The following ATP6V1G3 variants were observed in gnomAD, a reference collection of about 807,000 sequenced individuals.
ATP6V1G3 encodes the protein V-type proton ATPase subunit G 3.
A neutral mutation model predicts 9.3 loss-of-function variants in ATP6V1G3; 9 were observed. The ratio of observed to expected loss-of-function variants is 0.97; its 90% CI spans 0.59 to 1.69. The LOEUF is 1.69. Ranked by LOEUF, ATP6V1G3 falls within the 40% of genes most tolerant of loss-of-function variation. The pLI is 0.00. For missense variants in ATP6V1G3, 133 were observed against 139.0 expected (o/e 0.96, Z 0.22); for synonymous variants, 43 against 43.8 (o/e 0.98, Z 0.07).
chr1:198,523,619 A>G lies in ATP6V1G3; in HGVS notation c.184-55T>C, dbSNP rs955932287. ...TCATAATACAATTGTTTTACAAGTTAAATTTGTCCTAGCCTGTTTACTGAT... is the reference window on the plus strand; with the variant it reads ...TCATAATACAATTGTTTTACAAGTTGAATTTGTCCTAGCCTGTTTACTGAT... On this transcript the variant is annotated intron_variant, in intron 2 of 2. Transcript: ENST00000367382. 8.5e-6 allele frequency: 13 copies of G among 1,535,490 alleles called. 1 individual carries two copies. The highest frequency in any genetic ancestry group is 1.4e-5 in the African/African-American group (1 of 72,652).
chr1:198,525,902 T>C (rs926991989), intron 2 of ATP6V1G3, among the ~76,000 whole-genome samples: 7 of 152,168 alleles, frequency 4.6e-5, no homozygotes, highest in Admixed American at 3.9e-4. Flanking sequence ...CTTATAAAGA[T>C]GACTCTTAGC....
intron 1 of ATP6V1G3, among the ~76,000 whole-genome samples, chr1:198,534,396 G>A (rs2103140682): frequency 6.6e-6 from 1 of 152,260 alleles, no homozygotes; most frequent in Admixed American, 6.5e-5. Flanking sequence ...CCAGTGACCA[G>A]GAAGGAGGCA....
At chr1:198,533,980 A>G (rs1660008514) in intron 1 of ATP6V1G3, among the ~76,000 whole-genome samples, 1 of 152,162 alleles carries the variant, frequency 6.6e-6, no homozygotes, top group African/African-American at 2.4e-5. Flanking sequence ...AGAAAATGGA[A>G]TGAAACATTG....
intron 2 of ATP6V1G3, among the ~76,000 whole-genome samples, chr1:198,528,734 T>C (rs1659765361): frequency 6.6e-6 from 1 of 152,036 alleles, no homozygotes. Context: ...AAAAACATGT[T>C]CTCTGAAGTT....
chr1:198,524,534 C>T (rs889046246), intron 2 of ATP6V1G3, among the ~76,000 whole-genome samples: 1 of 152,156 alleles, frequency 6.6e-6, no homozygotes, highest in East Asian at 1.9e-4. Flanking sequence ...ATTGTAGACA[C>T]AGTTTAATAT....
chr1:198,528,095 A>C (rs1659736009), intron 2 of ATP6V1G3, among the ~76,000 whole-genome samples: 1 of 152,146 alleles, frequency 6.6e-6, no homozygotes, highest in African/African-American at 2.4e-5. Flanking sequence ...TGAGAGAGAT[A>C]GCCAAAGGCC....
At chr1:198,529,841 TA>T (rs1659823969) in intron 1 of ATP6V1G3, among the ~76,000 whole-genome samples, 1 of 152,186 alleles carries the variant, frequency 6.6e-6, no homozygotes, top group Admixed American at 6.6e-5. Context: ...CAATTGTTTT[TA>T]ATGATTAGGA....
chr1:198,539,161 T>C (rs890497515), intron 1 of ATP6V1G3, among the ~76,000 whole-genome samples: 1 of 152,208 alleles, frequency 6.6e-6, no homozygotes, highest in Non-Finnish European at 1.5e-5. Flanking sequence ...GATGCCCACA[T>C]TGCTGAGTGT....
intron 1 of ATP6V1G3, among the ~76,000 whole-genome samples, chr1:198,529,961 T>A (rs1329748318): frequency 1.3e-5 from 2 of 152,138 alleles, no homozygotes; most frequent in East Asian, 1.9e-4. Context: ...GTGGTAATCA[T>A]TAGCTGAGCA....
At chr1:198,530,584 A>T (rs887698999) in intron 1 of ATP6V1G3, among the ~76,000 whole-genome samples, 1 of 152,176 alleles carries the variant, frequency 6.6e-6, no homozygotes, top group Non-Finnish European at 1.5e-5. Flanking sequence ...AGATCTGCTG[A>T]AAACTACTGC....
chr1:198,529,042 C>A, intron 2 of ATP6V1G3, 39 bp downstream of exon 2: 1 of 946,758 alleles, frequency 1.1e-6, no homozygotes, highest in Non-Finnish European at 1.6e-6. Context: ...AAGATCTTAT[C>A]TATTCTGCAT....
At chr1:198,534,889 C>G (rs773196662) in intron 1 of ATP6V1G3, among the ~76,000 whole-genome samples, 1 of 152,138 alleles carries the variant, frequency 6.6e-6, no homozygotes, top group Non-Finnish European at 1.5e-5. Flanking sequence ...TATTATTTTT[C>G]CCAGTGACTA....
chr1:198,539,375 T>C (rs1660256519), intron 1 of ATP6V1G3, among the ~76,000 whole-genome samples: 1 of 152,190 alleles, frequency 6.6e-6, no homozygotes, highest in African/African-American at 2.4e-5. Flanking sequence ...TTTGAAAATA[T>C]GGCCCCTGTT....
At chr1:198,524,123 A>ATT (rs10712995) in intron 2 of ATP6V1G3, among the ~76,000 whole-genome samples, 87 of 133,268 alleles carry the variant, frequency 6.5e-4, no homozygotes, top group African/African-American at 2.1e-3. Flanking sequence ...TATATGCACA[A>ATT]TTTTTTTTTT....
chr1:198,532,611 AAG>A (rs1010181520), intron 1 of ATP6V1G3, among the ~76,000 whole-genome samples: 11 of 152,180 alleles, frequency 7.2e-5, no homozygotes, highest in African/African-American at 2.7e-4. Context: ...ATAAGGGGTA[AAG>A]AAAGATGGTG....
intron 2 of ATP6V1G3, among the ~76,000 whole-genome samples, chr1:198,525,800 T>G (rs543763733): frequency 6.6e-6 from 1 of 152,230 alleles, no homozygotes; most frequent in South Asian, 2.1e-4. Context: ...GTGGTCACCA[T>G]TTTGGACAGT....
intron 2 of ATP6V1G3, among the ~76,000 whole-genome samples, chr1:198,528,480 G>C (rs190699999): frequency 1.3e-5 from 2 of 151,968 alleles, no homozygotes; most frequent in Non-Finnish European, 2.9e-5. Context: ...GAGGGTGTCC[G>C]CTCCAAAGGT....
At chr1:198,536,290 A>C (rs1660112108) in intron 1 of ATP6V1G3, among the ~76,000 whole-genome samples, 1 of 152,178 alleles carries the variant, frequency 6.6e-6, no homozygotes, top group Non-Finnish European at 1.5e-5. Context: ...GTCATGACTA[A>C]AAGTAAAAAT....
intron 1 of ATP6V1G3, among the ~76,000 whole-genome samples, chr1:198,531,488 G>T (rs777722114): frequency 1.3e-5 from 2 of 152,196 alleles, no homozygotes; most frequent in Non-Finnish European, 2.9e-5. Context: ...CAGGTGGTTT[G>T]TGGGAAAAGG....
Sources: allele counts gnomAD v4.1 joint callset (sites outside exome capture counted in the v4.1 genomes callset), GRCh38; gene constraint gnomAD v4.1.1; transcripts MANE v1.5; gene names NCBI Gene and HGNC (gene_info 2026-07-23, HGNC 2026-07-21).